The following RSBN1L variants were observed in gnomAD, a reference collection of about 807,000 sequenced individuals.
RSBN1L encodes the protein lysine-specific demethylase RSBN1L.
RSBN1L carries 30 observed loss-of-function variants against 67.7 expected under a neutral mutation model. The observed-to-expected ratio is 0.44, with a 90% CI of 0.33 to 0.60. RSBN1L has a LOEUF of 0.60. Ranked by LOEUF, RSBN1L falls within the 20% of genes least tolerant of loss-of-function variation. The probability of loss-of-function intolerance (pLI) is 0.02; values close to 1 mark genes in which losing one functional copy is unlikely to be tolerated. For missense variants in RSBN1L, 992 were observed against 1,031.7 expected (o/e 0.96, Z 0.53); for synonymous variants, 433 against 387.0 (o/e 1.12, Z -1.39).
Position 77,779,246 on chromosome 7 carries a change from A to T in RSBN1L, c.*78A>T. 15 of 994,464 alleles carry T rather than the reference A, an allele frequency of 1.5e-5. No homozygotes were observed. The highest frequency in any genetic ancestry group is 2.2e-5 in the Non-Finnish European group (15 of 679,850). The allele number at this position is 994,464 out of a possible 1,614,324, so 61.6% of individuals were successfully genotyped here. A position where few individuals can be genotyped will look rare whatever the true frequency, so the allele number is the denominator to read the frequency against. On this transcript the variant is annotated 3_prime_UTR_variant, in exon 8 of 8. Transcript: ENST00000334955. ...ATTCATGAATTCTGAAAGCAAGCCA[A>T]GGACTTGCTCCTATGTCTGTTACAA...
intron 1 of RSBN1L, among the ~76,000 whole-genome samples, chr7:77,718,921 G>A (rs1403673091): frequency 2.6e-5 from 4 of 152,168 alleles, no homozygotes; most frequent in South Asian, 2.1e-4. Context: ...CTTTACTCAC[G>A]TGCCTGTTGC....
rs975659639 is a variant in RSBN1L, at chr7:77,782,233, T to A, written c.*3065T>A. On this transcript the variant is annotated 3_prime_UTR_variant, in exon 8 of 8. Transcript: ENST00000334955. ...CCAGTTCTTTATCTGAATACAAGCG[T>A]TTTGCTTTTATTTCCAGTTTCTTGG... The A allele has an allele frequency of 6.6e-6, 1 of 152,188 alleles. No individual in the cohort carries two copies. Among genetic ancestry groups the A allele is most frequent in the African/African-American group, 2.4e-5 (1 of 41,454 alleles). The allele number at this position is 152,188 out of a possible 1,614,324, so 9.4% of individuals were successfully genotyped here.
intron 1 of RSBN1L, among the ~76,000 whole-genome samples, chr7:77,734,985 G>T (rs1374114171): frequency 6.6e-6 from 1 of 151,320 alleles, no homozygotes; most frequent in South Asian, 2.1e-4. Flanking sequence ...CTTGTACTCA[G>T]ACTGTGTATT....
intron 1 of RSBN1L, among the ~76,000 whole-genome samples, chr7:77,713,558 A>G (rs866579013): frequency 8.6e-5 from 13 of 151,300 alleles, no homozygotes; most frequent in African/African-American, 1.5e-4. Flanking sequence ...GGGTTTCACC[A>G]TGTTAGCCAG....
At chr7:77,759,690 C>A (rs1394015305) in intron 3 of RSBN1L, 1 of 152,100 alleles carries the variant, frequency 6.6e-6, no homozygotes. Flanking sequence ...GGTGCTGATA[C>A]AAGCTAAAAA....
At chr7:77,770,012 A>G (rs1443965455) in intron 5 of RSBN1L, among the ~76,000 whole-genome samples, 1 of 152,210 alleles carries the variant, frequency 6.6e-6, no homozygotes, top group African/African-American at 2.4e-5. Context: ...TAAGAAAAAC[A>G]TTTTAAAATG....
At chr7:77,740,299 A>G (rs1791391625) in intron 2 of RSBN1L, among the ~76,000 whole-genome samples, 1 of 152,110 alleles carries the variant, frequency 6.6e-6, no homozygotes, top group Admixed American at 6.6e-5. Context: ...TATGTTGTTT[A>G]TTAATGATAA....
At position 77,749,911 on chromosome 7, in the gene RSBN1L, T is replaced by G. The variant is rs1343573045; in HGVS notation, c.1191T>G (p.Ala397=). 13 of 1,614,194 alleles carry G rather than the reference T, an allele frequency of 8.1e-6. No homozygotes were observed. The highest frequency in any genetic ancestry group is 1.7e-5 in the Admixed American group (1 of 60,018). The stretch of plus-strand genomic sequence containing the variant: ...TCAGTGAAAATGAAAACTCTGCAGC[T>G]TTCTACGTGATGGGTATTGTTCATG... ...LVFSENENSA[A]FYVMGIVHGA... The change falls in exon 3 of 8, where the codon GCT becomes GCG. Residue 397 remains alanine (A), a synonymous_variant. Coordinates refer to ENST00000334955, the MANE Select transcript of RSBN1L (RefSeq NM_198467.3).
rs763186736 is a variant in RSBN1L, at chr7:77,781,287, A to G, written c.*2119A>G. The G allele has an allele frequency of 1.3e-5, 2 of 152,216 alleles. No homozygotes were observed. The highest frequency in any genetic ancestry group is 2.9e-5 in the Non-Finnish European group (2 of 68,028). The allele number at this position is 152,216 out of a possible 1,614,324, so 9.4% of individuals were successfully genotyped here. On this transcript the variant is annotated 3_prime_UTR_variant, in exon 8 of 8. Coordinates refer to ENST00000334955, the MANE Select transcript of RSBN1L (RefSeq NM_198467.3). ...CAAGATAGTAAGGGTTTTGTTTTAT[A>G]TGTCATTGTCTTACCATGCTCCCCA...
intron 1 of RSBN1L, among the ~76,000 whole-genome samples, chr7:77,713,788 G>C (rs1432082267): frequency 1.3e-5 from 2 of 151,944 alleles, no homozygotes; most frequent in East Asian, 3.9e-4. Context: ...ATAGGTGTGA[G>C]CCACCTCGCC....
rs1004085213 is a variant in RSBN1L, at chr7:77,701,652, A to G, written c.586+4597A>G. Reference sequence around the variant, plus strand: ...TCCTTCTGAACTTTCACTGAATTTTACTTTTTTTTTTTTTTTTGAGATGGA... The same window carrying G: ...TCCTTCTGAACTTTCACTGAATTTTGCTTTTTTTTTTTTTTTTGAGATGGA... On this transcript the variant is annotated intron_variant, in intron 1 of 7. Coordinates refer to ENST00000334955, the MANE Select transcript of RSBN1L (RefSeq NM_198467.3). 2.2e-4 allele frequency among the ~76,000 whole-genome samples: 26 copies of G among 117,264 alleles called. No individual in the cohort carries two copies. In the East Asian group the frequency reaches 3.6e-3, roughly 16 times the overall value. 76.9% of individuals were successfully genotyped at this position (117,264 alleles called of 152,430 possible).
At chr7:77,698,762 G>A (rs931481970) in intron 1 of RSBN1L, among the ~76,000 whole-genome samples, 8 of 152,048 alleles carry the variant, frequency 5.3e-5, no homozygotes, top group African/African-American at 1.9e-4. Context: ...ACCTATGTGG[G>A]TTTTTTGGAG....
chr7:77,765,291 C>T (rs908428306), intron 3 of RSBN1L, among the ~76,000 whole-genome samples: 2 of 152,090 alleles, frequency 1.3e-5, no homozygotes, highest in Admixed American at 6.5e-5. Flanking sequence ...TGATTTAGTG[C>T]AAGTTTTATT....
intron 3 of RSBN1L, among the ~76,000 whole-genome samples, chr7:77,755,360 A>T (rs1443820418): frequency 6.6e-6 from 1 of 152,176 alleles, no homozygotes; most frequent in Non-Finnish European, 1.5e-5. Flanking sequence ...TAAGTTGAAA[A>T]TGCATTTAAA....
At position 77,734,306 on chromosome 7, in the gene RSBN1L, A is replaced by G. The variant is rs1032418582; in HGVS notation, c.587-2104A>G. ...TATACTTTAATAAAATTTAATAGTTACTAAAATAATACGTTTAAGTTGATA... is the reference window on the plus strand; with the variant it reads ...TATACTTTAATAAAATTTAATAGTTGCTAAAATAATACGTTTAAGTTGATA... On this transcript the variant is annotated intron_variant, in intron 1 of 7. Transcript: ENST00000334955. Among the ~76,000 whole-genome samples, 26 of 152,280 alleles carry G rather than the reference A, an allele frequency of 1.7e-4. 1 individual carries two copies. Among genetic ancestry groups the G allele is most frequent in the Admixed American group, 1.5e-3 (23 of 15,300 alleles).
chr7:77,767,334 G>C (rs560960318), intron 4 of RSBN1L, among the ~76,000 whole-genome samples: 1 of 151,620 alleles, frequency 6.6e-6, no homozygotes, highest in South Asian at 2.1e-4. Context: ...CATGGACAGT[G>C]GCCCTCAGTT....
chr7:77,702,934 C>T (rs1790837540), intron 1 of RSBN1L, among the ~76,000 whole-genome samples: 1 of 152,114 alleles, frequency 6.6e-6, no homozygotes, highest in African/African-American at 2.4e-5. Context: ...ATCTTAGTTA[C>T]CTCCGAAAAG....
At chr7:77,697,358 G>GCC in intron 1 of RSBN1L, 1 of 296,856 alleles carries the variant, frequency 3.4e-6, no homozygotes, top group East Asian at 5.5e-5. Context: ...GGTTTGTTTG[G>GCC]CTAGGGAGAG....
intron 2 of RSBN1L, among the ~76,000 whole-genome samples, chr7:77,745,145 C>T (rs1170074205): frequency 6.6e-6 from 1 of 152,030 alleles, no homozygotes; most frequent in Non-Finnish European, 1.5e-5. Context: ...CCTGTAATCC[C>T]AGCTACTTGG....
Sources: allele counts gnomAD v4.1 joint callset (sites outside exome capture counted in the v4.1 genomes callset), GRCh38; gene constraint gnomAD v4.1.1; transcripts MANE v1.5; gene names NCBI Gene and HGNC (gene_info 2026-07-23, HGNC 2026-07-21).